The following PCNX2 variants were observed in gnomAD, a reference collection of about 807,000 sequenced individuals.
PCNX2 encodes the protein pecanex-like protein 2.
PCNX2 carries 168 observed loss-of-function variants against 223.8 expected under a neutral mutation model. The ratio of observed to expected loss-of-function variants is 0.75; its 90% CI spans 0.66 to 0.85. The LOEUF is 0.85. Ranked by LOEUF, PCNX2 falls within the 40% of genes least tolerant of loss-of-function variation. The pLI is 0.00. For synonymous variants in PCNX2, 1,006 were observed against 1,052.6 expected (o/e 0.96, Z 0.86); for missense variants, 2,507 against 2,675.5 (o/e 0.94, Z 1.39).
rs1331085073 is a variant in PCNX2, at chr1:233,087,646, C to T, written c.4076+2415G>A. On this transcript the variant is annotated intron_variant, in intron 23 of 33. Coordinates refer to ENST00000258229, the MANE Select transcript of PCNX2 (RefSeq NM_014801.4). ...TCACTTCCTTTCCTGGTACCCACCA[C>T]TCTACTGTTGTGATTTCCCTCGACT... is the stretch of plus-strand genomic sequence containing the variant. Among the ~76,000 whole-genome samples, 3 of 152,218 alleles carry T rather than the reference C, an allele frequency of 2.0e-5. No homozygotes were observed. In the East Asian group the frequency reaches 5.8e-4, roughly 29 times the overall value.
intron 1 of PCNX2, among the ~76,000 whole-genome samples, chr1:233,292,948 A>G (rs1432106382): frequency 6.6e-6 from 1 of 152,200 alleles, no homozygotes; most frequent in Non-Finnish European, 1.5e-5. Context: ...AAAGTCTGAT[A>G]TAAAAGCAAA....
Position 233,252,674 on chromosome 1 carries a change from G to T in PCNX2, c.1949C>A (p.Pro650His). ...LQSQDHTSTGPACTQPAKTTA... is the reference protein window; with the variant it reads ...LQSQDHTSTGHACTQPAKTTA... ...GGTCTTGGCAGGCTGAGTGCATGCG[G>T]GGCCGGTGCTAGTATGGTCTTGACT... Residue 650 changes from proline (P) to histidine (H), a missense_variant, in exon 6 of 34, where the codon CCC becomes CAC. Transcript: ENST00000258229. 6.2e-7 allele frequency: 1 copy of T among 1,613,728 alleles called. No individual in the cohort carries two copies. Among genetic ancestry groups the T allele is most frequent in the Non-Finnish European group, 8.5e-7 (1 of 1,179,820 alleles).
intron 21 of PCNX2, among the ~76,000 whole-genome samples, chr1:233,118,348 A>G (rs1263814926): frequency 6.6e-6 from 1 of 152,142 alleles, no homozygotes; most frequent in African/African-American, 2.4e-5. Context: ...CACCACTCTT[A>G]TCTGACATAG....
intron 1 of PCNX2, among the ~76,000 whole-genome samples, chr1:233,269,008 G>A (rs1350253283): frequency 6.6e-6 from 1 of 152,000 alleles, no homozygotes; most frequent in African/African-American, 2.4e-5. Flanking sequence ...TGACCAAGTG[G>A]GTAAGTCTCT....
chr1:233,078,784 C>T (rs542744281), intron 23 of PCNX2, among the ~76,000 whole-genome samples: 13 of 152,328 alleles, frequency 8.5e-5, no homozygotes, highest in African/African-American at 2.6e-4. Context: ...TTATGCACAA[C>T]AGCACAATGC....
intron 25 of PCNX2, among the ~76,000 whole-genome samples, chr1:233,043,895 T>C (rs1671733825): frequency 6.6e-6 from 1 of 151,658 alleles, no homozygotes; most frequent in African/African-American, 2.4e-5. Context: ...TATAGCAGCA[T>C]GATTTATAGT....
rs954460631 is a variant in PCNX2 at position 233,160,436 on chromosome 1, G to A, written c.3367-3C>T. The A allele has an allele frequency of 2.5e-6, 4 of 1,613,048 alleles. No individual in the cohort carries two copies. The Admixed American group carries it at 5.0e-5, about 20-fold the overall frequency. ...AACAGCACGATGCTGAGAAATGGCTGCGATAAAAATGGGCAGAATCTCATT... is the reference window on the plus strand; with the variant it reads ...AACAGCACGATGCTGAGAAATGGCTACGATAAAAATGGGCAGAATCTCATT... On this transcript the variant is annotated splice_region_variant and splice_polypyrimidine_tract_variant and intron_variant, in intron 18 of 33. Coordinates refer to ENST00000258229, the MANE Select transcript of PCNX2 (RefSeq NM_014801.4).
chr1:233,137,818 T>G (rs890593983), intron 20 of PCNX2, among the ~76,000 whole-genome samples: 2 of 152,258 alleles, frequency 1.3e-5, no homozygotes, highest in Admixed American at 6.5e-5. Context: ...CACCGACTCA[T>G]TAATTTACCA....
chr1:233,121,266 T>C (rs1675775336), intron 21 of PCNX2, among the ~76,000 whole-genome samples: 1 of 152,196 alleles, frequency 6.6e-6, no homozygotes, highest in Admixed American at 6.5e-5. Flanking sequence ...CAACTTGATC[T>C]ACAGATCCAG....
intron 23 of PCNX2, among the ~76,000 whole-genome samples, chr1:233,079,097 A>G (rs1008070104): frequency 6.6e-6 from 1 of 152,194 alleles, no homozygotes; most frequent in African/African-American, 2.4e-5. Flanking sequence ...AGGGGAGCTT[A>G]AAGCTCTTTT....
At chr1:233,216,172 G>A (rs942929711) in intron 12 of PCNX2, among the ~76,000 whole-genome samples, 3 of 152,126 alleles carry the variant, frequency 2.0e-5, no homozygotes, top group African/African-American at 4.8e-5. Context: ...TCTACCTGGC[G>A]GTGAACTCGG....
At chr1:233,161,195 C>A in intron 18 of PCNX2, 76 bp downstream of exon 18, 2 of 1,358,108 alleles carry the variant, frequency 1.5e-6, no homozygotes, top group Non-Finnish European at 2.1e-6. Context: ...CTTGTCAATA[C>A]CCTGTAGCTC....
At position 233,193,647 on chromosome 1, in the gene PCNX2, A is replaced by G. The variant is rs140080805; in HGVS notation, c.3066+5292T>C. 2.4e-3 allele frequency among the ~76,000 whole-genome samples: 373 copies of G among 152,330 alleles called. 1 individual carries two copies. The highest frequency in any genetic ancestry group is 8.4e-3 in the African/African-American group (349 of 41,578). On this transcript the variant is annotated intron_variant, in intron 15 of 33. Transcript: ENST00000258229. ...AGCCAGATAATTTACAAAAATCTCA[A>G]CTTTAAAATGACTATGATTAATATG...
At chr1:233,310,479 G>A in the PCNX2 span, among the ~76,000 whole-genome samples, 2 of 152,268 alleles carry the variant, frequency 1.3e-5, no homozygotes, top group African/African-American at 2.4e-5. Context: ...GAAGAATAAT[G>A]CGGACCACAT....
In PCNX2 at chr1:233,135,154, C is replaced by T; in HGVS notation, c.3696G>A (p.Lys1232=). ...DIFLMIIAGM[K]LLRTSFCNPV... is the part of the protein sequence containing the mutation. ...GGTTGCAGAATGATGTCCGCAACAGCTTCATGCCAGCAATGATCATCAGAA... is the reference window on the plus strand; with the variant it reads ...GGTTGCAGAATGATGTCCGCAACAGTTTCATGCCAGCAATGATCATCAGAA... The change falls in exon 21 of 34, where the codon AAG becomes AAA. Residue 1232 remains lysine (K), a synonymous_variant. Coordinates refer to ENST00000258229, the MANE Select transcript of PCNX2 (RefSeq NM_014801.4). The T allele has an allele frequency of 6.2e-7, 1 of 1,613,860 alleles. No individual in the cohort carries two copies.
chr1:233,014,837 G>A, intron 27 of PCNX2, 60 bp from the exon 28 acceptor site: 1 of 1,350,550 alleles, frequency 7.4e-7, no homozygotes, highest in South Asian at 1.2e-5. Context: ...CCAACACACA[G>A]GCATAAATGT....
At chr1:233,033,582 A>G (rs1400247297) in intron 25 of PCNX2, among the ~76,000 whole-genome samples, 2 of 152,274 alleles carry the variant, frequency 1.3e-5, no homozygotes, top group African/African-American at 2.4e-5. Context: ...ACATTGTGCA[A>G]TATGGTGAAC....
chr1:233,013,051 G>A (rs987132896), intron 28 of PCNX2, among the ~76,000 whole-genome samples: 2 of 152,174 alleles, frequency 1.3e-5, no homozygotes, highest in Non-Finnish European at 2.9e-5. Flanking sequence ...CAATCATCAA[G>A]CTTAGTCCCA....
chr1:233,315,074 A>C, the PCNX2 span, among the ~76,000 whole-genome samples: 1 of 152,214 alleles, frequency 6.6e-6, no homozygotes, highest in African/African-American at 2.4e-5. Flanking sequence ...TGCAGATTCT[A>C]TGTCTTTGGG....
Sources: allele counts gnomAD v4.1 joint callset (sites outside exome capture counted in the v4.1 genomes callset), GRCh38; gene constraint gnomAD v4.1.1; transcripts MANE v1.5; gene names NCBI Gene and HGNC (gene_info 2026-07-23, HGNC 2026-07-21).